The following SORBS2 variants were observed in gnomAD, a reference collection of about 807,000 sequenced individuals.
The protein encoded by SORBS2 is sorbin and SH3 domain-containing protein 2.
A neutral mutation model predicts 97.7 loss-of-function variants in SORBS2; 46 were observed. The ratio of observed to expected loss-of-function variants is 0.47; its 90% CI spans 0.37 to 0.60. The LOEUF (loss-of-function observed/expected upper bound fraction) is 0.60. SORBS2 is among the 20% of genes least tolerant of loss of function. The pLI is 0.00. For synonymous variants in SORBS2, 476 were observed against 473.4 expected, an observed-to-expected ratio of 1.01 and a Z score of -0.07; for missense variants, 1,316 against 1,282.3, an observed-to-expected ratio of 1.03 and a Z score of -0.40.
chr4:185,782,176 A>G (rs2099034546), intron 1 of SORBS2, among the ~76,000 whole-genome samples: 1 of 152,242 alleles, frequency 6.6e-6, no homozygotes, highest in Non-Finnish European at 1.5e-5. Context: ...GTGAAATAAA[A>G]AGTATCTGAT....
At chr4:185,710,306 T>C (rs1375279288) in intron 2 of SORBS2, among the ~76,000 whole-genome samples, 12 of 152,226 alleles carry the variant, frequency 7.9e-5, no homozygotes, top group Admixed American at 7.2e-4. Context: ...GCCTGGGAGC[T>C]GTGGATGCCT....
At chr4:185,677,380 T>G in intron 4 of SORBS2, 1 of 1,552,366 alleles carries the variant, frequency 6.4e-7, no homozygotes, top group Non-Finnish European at 8.7e-7. Flanking sequence ...GCAGGATCCG[T>G]GCTGGAAGCT....
chr4:185,661,190 C>G (rs976309105), upstream of SORBS2, among the ~76,000 whole-genome samples: 2 of 151,304 alleles, frequency 1.3e-5, no homozygotes, highest in African/African-American at 2.4e-5. Context: ...GCAGGAGCAT[C>G]ACTGGAACCC....
At chr4:185,611,672 T>G in intron 12 of SORBS2, 108 bp downstream of exon 24, 1 of 835,202 alleles carries the variant, frequency 1.2e-6, no homozygotes, top group Non-Finnish European at 1.9e-6. Context: ...TGTAAATCTC[T>G]TTCTCTGCAA....
chr4:185,677,604 T>A, intron 4 of SORBS2: 3 of 1,528,072 alleles, frequency 2.0e-6, no homozygotes, highest in East Asian at 2.5e-5. Flanking sequence ...CAAAGAGCTA[T>A]GAAAGCTCTC....
exon 15 of SORBS2, chr4:185,586,902 T>A (rs544371158): frequency 1.2e-4 from 19 of 152,768 alleles, no homozygotes; most frequent in African/African-American, 4.3e-4. Flanking sequence ...TGTATTGTCA[T>A]GATTATTACC....
At chr4:185,783,494 G>T (rs899354306) in intron 1 of SORBS2, among the ~76,000 whole-genome samples, 1 of 152,106 alleles carries the variant, frequency 6.6e-6, no homozygotes, top group Non-Finnish European at 1.5e-5. Context: ...AAATATTCTT[G>T]ATTTTATGTA....
At chr4:185,828,276 C>A (rs186965398) in intron 1 of SORBS2, among the ~76,000 whole-genome samples, 2 of 152,228 alleles carry the variant, frequency 1.3e-5, no homozygotes, top group Non-Finnish European at 2.9e-5. Flanking sequence ...GGAGCCTGGA[C>A]CTTGGGAGCC....
chr4:185,829,207 C>G (rs1356478192), intron 1 of SORBS2, among the ~76,000 whole-genome samples: 1 of 152,180 alleles, frequency 6.6e-6, no homozygotes, highest in African/African-American at 2.4e-5. Context: ...TTGGGCCCCT[C>G]TATACATGTG....
At chr4:185,727,155 A>C (rs186059034) in intron 2 of SORBS2, among the ~76,000 whole-genome samples, 1 of 152,206 alleles carries the variant, frequency 6.6e-6, no homozygotes, top group African/African-American at 2.4e-5. Flanking sequence ...TGTGATTTCC[A>C]TGGCTACTAA....
rs745534626 is a variant in SORBS2 at position 185,615,039 on chromosome 4, A to C, written c.2466+6T>G. The stretch of plus-strand genomic sequence containing the variant: ...GCCATCCAAGAGAGAAAGGGAGAGG[A>C]CCTACCTCTACGTATGAGATCGGGA... On this transcript the variant is annotated splice_donor_region_variant and intron_variant, in intron 10 of 14. Coordinates refer to ENST00000418609, the Ensembl canonical transcript of SORBS2. 1 of 1,611,110 alleles carries C rather than the reference A, an allele frequency of 6.2e-7. No individual in the cohort carries two copies. Among genetic ancestry groups the C allele is most frequent in the Non-Finnish European group, 8.5e-7 (1 of 1,177,270 alleles).
At chr4:185,912,585 C>CAA (rs60906233) in intron 1 of SORBS2, among the ~76,000 whole-genome samples, 10 of 64,378 alleles carry the variant, frequency 1.6e-4, no homozygotes, top group African/African-American at 4.5e-4. Context: ...AACTCCATCT[C>CAA]AAAAAAAAAA....
intron 1 of SORBS2, among the ~76,000 whole-genome samples, chr4:185,840,715 C>T (rs2099210957): frequency 6.6e-6 from 1 of 152,224 alleles, no homozygotes; most frequent in African/African-American, 2.4e-5. Context: ...GCACATTGTA[C>T]TTCTGTGTGC....
intron 9 of SORBS2, among the ~76,000 whole-genome samples, chr4:185,616,268 TA>T (rs1172056885): frequency 6.6e-6 from 1 of 152,196 alleles, no homozygotes; most frequent in Non-Finnish European, 1.5e-5. Context: ...TCTCATTGAT[TA>T]AAAGAATTAA....
At chr4:185,866,299 A>T (rs1017084916) in intron 1 of SORBS2, among the ~76,000 whole-genome samples, 12 of 152,182 alleles carry the variant, frequency 7.9e-5, no homozygotes, top group African/African-American at 2.9e-4. Context: ...GAAATGGAGA[A>T]CCTGTCCCAA....
At chr4:185,706,514 A>G (rs1415799364) in intron 2 of SORBS2, among the ~76,000 whole-genome samples, 5 of 152,162 alleles carry the variant, frequency 3.3e-5, no homozygotes, top group Non-Finnish European at 7.4e-5. Context: ...TGACAAGGTC[A>G]TGTACATCCC....
chr4:185,724,319 T>C (rs1045901057), intron 2 of SORBS2, among the ~76,000 whole-genome samples: 1 of 105,596 alleles, frequency 9.5e-6, no homozygotes, highest in African/African-American at 3.5e-5. Context: ...GATATTCCAC[T>C]GCCCAGAGAG....
chr4:185,677,814 C>T (rs1185023371), intron 4 of SORBS2, among the ~76,000 whole-genome samples: 1 of 152,122 alleles, frequency 6.6e-6, no homozygotes, highest in Admixed American at 6.5e-5. Flanking sequence ...ATTTTCATTC[C>T]ATTTAGAATG....
intron 2 of SORBS2, among the ~76,000 whole-genome samples, chr4:185,733,651 A>G (rs1025125382): frequency 6.6e-6 from 1 of 152,220 alleles, no homozygotes; most frequent in Admixed American, 6.5e-5. Context: ...AGGGAGAAGC[A>G]GCATGAAGGA....
Sources: gnomAD v4.1 joint callset for allele counts (sites outside exome capture counted in the v4.1 genomes callset) on GRCh38, gnomAD v4.1.1 for gene constraint, MANE v1.5 for transcripts, NCBI Gene and HGNC (gene_info 2026-07-23, HGNC 2026-07-21) for gene names.